SLC4A8: variants seen among roughly 807,000 people sequenced by gnomAD.
The protein encoded by SLC4A8 is solute carrier family 4 member 8.
Under a neutral mutation model 125.0 loss-of-function variants are expected in SLC4A8, and 40 were observed. The observed-to-expected ratio is 0.32, with a 90% confidence interval of 0.25 to 0.42. The LOEUF is 0.42. SLC4A8 is among the 10% of genes least tolerant of loss of function. The pLI, the probability that SLC4A8 is intolerant of heterozygous loss-of-function variation, is 1.00. For missense variants in SLC4A8, 863 were observed against 1,355.1 expected (o/e 0.64, Z 5.70); for synonymous variants, 456 against 476.0 (o/e 0.96, Z 0.55).
chr12:51,440,693 T>C lies in SLC4A8; in HGVS notation c.49-15T>C. On this transcript the variant is annotated splice_polypyrimidine_tract_variant and intron_variant, in intron 1 of 24. Coordinates refer to ENST00000453097, the MANE Select transcript of SLC4A8 (RefSeq NM_001039960.3). ...GTATGTGTATTACTGTGACTACTTA[T>C]TTGTGTTTAAACAGAGACCAGATGA... 1.2e-6 allele frequency: 2 copies of C among 1,605,398 alleles called. No homozygotes were observed. Among genetic ancestry groups the C allele is most frequent in the East Asian group, 2.2e-5 (1 of 44,702 alleles).
At chr12:51,506,714 G>A (rs1295073009) in intron 24 of SLC4A8, among the ~76,000 whole-genome samples, 1 of 152,204 alleles carries the variant, frequency 6.6e-6, no homozygotes, top group East Asian at 1.9e-4. Context: ...GATTACAGGC[G>A]TGGGCCACTG....
chr12:51,497,183 G>A, intron 22 of SLC4A8, 59 bp downstream of exon 22: 2 of 1,533,036 alleles, frequency 1.3e-6, no homozygotes. Flanking sequence ...ACATAGGAAG[G>A]GTCATGTGAA....
intron 1 of SLC4A8, among the ~76,000 whole-genome samples, chr12:51,438,230 T>A (rs1292893539): frequency 1.3e-5 from 2 of 152,038 alleles, no homozygotes. Context: ...AACTTATTCT[T>A]CCTATATAGT....
At chr12:51,410,880 T>C (rs1463092628) in intron 1 of SLC4A8, among the ~76,000 whole-genome samples, 2 of 148,014 alleles carry the variant, frequency 1.4e-5, no homozygotes, top group East Asian at 3.9e-4. Flanking sequence ...TCTTTTCTTT[T>C]TTTTTTTTTT....
intron 19 of SLC4A8, among the ~76,000 whole-genome samples, chr12:51,490,763 CA>C (rs1461209882): frequency 2.0e-5 from 3 of 151,938 alleles, no homozygotes; most frequent in African/African-American, 7.3e-5. Flanking sequence ...GAAAGAGAGG[CA>C]GGGGCAGATC....
rs183617581 is a variant in SLC4A8 at position 51,397,040 on chromosome 12, G to A, written c.-112+5552G>A. Among the ~76,000 whole-genome samples the A allele has an allele frequency of 3.7e-3, 542 of 145,172 alleles. 3 individuals carry two copies. Among genetic ancestry groups the A allele is most frequent in the African/African-American group, 0.013 (519 of 39,070 alleles). ...CACCTTCCAGGTTCAAGCGATTCTC[G>A]TGCCTCAGCCTCCCGAGTAGCTGGG... On this transcript the variant is annotated intron_variant, in intron 1 of 24. Coordinates refer to the SLC4A8 transcript ENST00000358657.
rs982325493 is a variant in SLC4A8, at chr12:51,470,529, A to G, written c.1658+4A>G. The G allele has an allele frequency of 6.2e-7, 1 of 1,612,942 alleles. No homozygotes were observed. The highest frequency in any genetic ancestry group is 8.5e-7 in the Non-Finnish European group (1 of 1,179,198). ...AGATTTTGTTCAAATTCTGCAAGTA[A>G]GACATTTGTTTTTCTGAAAACTCTA... On this transcript the variant is annotated splice_donor_region_variant and intron_variant, in intron 13 of 24. Coordinates refer to ENST00000453097, the MANE Select transcript of SLC4A8 (RefSeq NM_001039960.3).
chr12:51,401,065 G>A (rs118093312), intron 1 of SLC4A8, among the ~76,000 whole-genome samples: 21 of 151,386 alleles, frequency 1.4e-4, no homozygotes, highest in African/African-American at 4.6e-4. Flanking sequence ...CAGGTTGTGG[G>A]GTTCAGATCC....
chr12:51,459,749 G>C, intron 7 of SLC4A8, among the ~76,000 whole-genome samples: 2 of 152,218 alleles, frequency 1.3e-5, no homozygotes, highest in Middle Eastern at 6.8e-3. Context: ...GTGCATGCCT[G>C]TAATTCCAGC....
At chr12:51,420,428 G>A (rs760299857), upstream of SLC4A8, among the ~76,000 whole-genome samples, 13 of 152,194 alleles carry the variant, frequency 8.5e-5, no homozygotes, top group South Asian at 2.1e-4. Flanking sequence ...GACTTTTTGC[G>A]TTTCTTATAT....
chr12:51,432,424 A>AAG (rs1286934568), intron 1 of SLC4A8, among the ~76,000 whole-genome samples: 29 of 147,296 alleles, frequency 2.0e-4, no homozygotes, highest in African/African-American at 6.8e-4. Context: ...AAAAAAAAAA[A>AAG]AAAAGAAACC....
At chr12:51,456,012 A>G (rs1380273352) in intron 5 of SLC4A8, among the ~76,000 whole-genome samples, 4 of 152,350 alleles carry the variant, frequency 2.6e-5, no homozygotes, top group African/African-American at 7.2e-5. Flanking sequence ...GTAATGATCA[A>G]TCAGATTTTG....
chr12:51,442,135 C>T (rs972335647), intron 2 of SLC4A8, among the ~76,000 whole-genome samples: 2 of 152,150 alleles, frequency 1.3e-5, no homozygotes, highest in African/African-American at 4.8e-5. Context: ...TCAAGGTCAT[C>T]GAGCCTAATT....
chr12:51,490,539 G>A (rs1951283252), intron 19 of SLC4A8, among the ~76,000 whole-genome samples: 1 of 147,182 alleles, frequency 6.8e-6, no homozygotes, highest in African/African-American at 2.5e-5. Context: ...CTCCAGCCAG[G>A]GCAACAGAGC....
rs560753500 is a variant in SLC4A8, at chr12:51,399,993, A to C, written c.-112+8505A>C. 2.2e-3 allele frequency among the ~76,000 whole-genome samples: 330 copies of C among 152,068 alleles called. 1 individual carries two copies. Among genetic ancestry groups the C allele is most frequent in the African/African-American group, 6.9e-3 (285 of 41,474 alleles). ...AACACTTCGTCTCAAAAAAAAAAAA[A>C]AAAAAAACCATGTTGGCACTGTCCA... On this transcript the variant is annotated intron_variant, in intron 1 of 24. Coordinates refer to the SLC4A8 transcript ENST00000358657.
chr12:51,393,955 G>A (rs1439868291), intron 1 of SLC4A8, among the ~76,000 whole-genome samples: 11 of 152,230 alleles, frequency 7.2e-5, no homozygotes, highest in Non-Finnish European at 1.2e-4. Flanking sequence ...ACTTCCTGTG[G>A]AAGATTGTGG....
intron 22 of SLC4A8, 140 bp downstream of exon 22, chr12:51,497,264 G>C: frequency 1.1e-6 from 1 of 915,788 alleles, no homozygotes; most frequent in South Asian, 1.8e-5. Context: ...GATGTTCTCA[G>C]CTAAGAATGG....
In SLC4A8 at chr12:51,504,090, TA is replaced by T; in HGVS notation, c.3145del (p.Ser1049ValfsTer33). On this transcript the variant is annotated frameshift_variant, in exon 23 of 25. Transcript: ENST00000453097. LOFTEE classifies it high-confidence loss of function. ...TTTCCCTTAGAGAGCAGGAAGTTAC[TA>T]AGTAGTCCTGGAAAGAACATCAGTT... Reference protein sequence around the residue: ...DKFPLESRKLLSSPGKNISCR... With the variant: ...DKFPLESRKLXSSPGKNISCR... The T allele has an allele frequency of 6.3e-7, 1 of 1,585,496 alleles. No homozygotes were observed. Among genetic ancestry groups the T allele is most frequent in the Non-Finnish European group, 8.6e-7 (1 of 1,163,736 alleles).
intron 1 of SLC4A8, among the ~76,000 whole-genome samples, chr12:51,401,843 A>T (rs1340820198): frequency 2.0e-5 from 3 of 151,994 alleles, no homozygotes; most frequent in Non-Finnish European, 4.4e-5. Flanking sequence ...TCTTCAATGC[A>T]GCCTCAGCCT....
Sources: gnomAD v4.1 joint callset for allele counts (sites outside exome capture counted in the v4.1 genomes callset) on GRCh38, gnomAD v4.1.1 for gene constraint, MANE v1.5 for transcripts, NCBI Gene and HGNC (gene_info 2026-07-23, HGNC 2026-07-21) for gene names.